The following PRKCZ variants were observed in gnomAD, a reference collection of about 807,000 sequenced individuals.
PRKCZ encodes the protein protein kinase C zeta type.
Under a neutral mutation model 79.5 loss-of-function variants are expected in PRKCZ, and 33 were observed. The ratio of observed to expected loss-of-function variants is 0.41; its 90% confidence interval spans 0.31 to 0.55. PRKCZ has a LOEUF of 0.55. Ranked by LOEUF, PRKCZ falls within the 20% of genes least tolerant of loss-of-function variation. The pLI is 0.19. For synonymous variants in PRKCZ, 342 were observed against 320.9 expected (o/e 1.07, Z -0.70); for missense variants, 578 against 813.5 (o/e 0.71, Z 3.52).
At position 2,127,603 on chromosome 1, in the gene PRKCZ, C is replaced by T. The variant is rs1474161749; in HGVS notation, c.335-7659C>T. ...TCTGTTCAGACAGCTCTGCTGGGAG[C>T]GTTCTGGCCTGAAATGCAGTGGGAG... On this transcript the variant is annotated intron_variant, in intron 4 of 17. Transcript: ENST00000378567. The surrounding 1 kb of genome is among the most constrained non-coding windows in gnomAD (Gnocchi z 5.1). Among the ~76,000 whole-genome samples, 5 of 152,346 alleles carry T rather than the reference C, an allele frequency of 3.3e-5. No individual in the cohort carries two copies. Among genetic ancestry groups the T allele is most frequent in the East Asian group, 1.9e-4 (1 of 5,180 alleles).
chr1:2,167,383 A>G (rs1217683051), intron 10 of PRKCZ, among the ~76,000 whole-genome samples: 2 of 152,108 alleles, frequency 1.3e-5, no homozygotes, highest in Non-Finnish European at 2.9e-5. Context: ...TGGAAATGGC[A>G]TTGGCTTTGT....
At chr1:2,052,839 A>G (rs1659809420) in intron 1 of PRKCZ, among the ~76,000 whole-genome samples, 1 of 152,136 alleles carries the variant, frequency 6.6e-6, no homozygotes, top group East Asian at 1.9e-4. Context: ...GGACACGTGG[A>G]AGACTAGTCT....
intron 10 of PRKCZ, among the ~76,000 whole-genome samples, chr1:2,158,271 G>T (rs971382115): frequency 1.3e-5 from 2 of 152,212 alleles, no homozygotes; most frequent in Non-Finnish European, 2.9e-5. Context: ...CCATATTTGA[G>T]AAACACAGAT....
rs1553152756 is a variant in PRKCZ at position 2,117,998 on chromosome 1, CTTTTT to C, written c.335-17252_335-17248del. 1.3e-3 allele frequency among the ~76,000 whole-genome samples: 84 copies of C among 65,096 alleles called. 4 individuals carry two copies. The highest frequency in any genetic ancestry group is 5.0e-3 in the African/African-American group (81 of 16,204). 42.7% of individuals were successfully genotyped at this position (65,096 alleles called of 152,430 possible). A position where few individuals can be genotyped will look rare whatever the true frequency, so the allele number is the denominator to read the frequency against. ...TATGAGAGAGATTAGCCTATTATTT[CTTTTT>C]TTTTTTTTTTTGGAGTCTCACTCTG... On this transcript the variant is annotated intron_variant, in intron 4 of 17. Transcript: ENST00000378567.
chr1:2,181,850 A>C (rs1043558672), intron 16 of PRKCZ: 1 of 456,332 alleles, frequency 2.2e-6, no homozygotes, highest in South Asian at 1.5e-5. Context: ...TACAAAGAAT[A>C]CAAGTAACTG....
intron 4 of PRKCZ, among the ~76,000 whole-genome samples, chr1:2,083,293 C>CT (rs1323068000): frequency 3.3e-5 from 5 of 152,102 alleles, no homozygotes; most frequent in Non-Finnish European, 7.3e-5. Flanking sequence ...TCACCAGTCT[C>CT]TGATTCCAGC....
chr1:2,180,374 C>T (rs1000096076), intron 16 of PRKCZ, among the ~76,000 whole-genome samples: 3 of 151,768 alleles, frequency 2.0e-5, no homozygotes, highest in African/African-American at 7.3e-5. Context: ...ACGATGTGGA[C>T]GCACAGACGA....
chr1:2,052,380 T>G (rs1659754492), intron 1 of PRKCZ, among the ~76,000 whole-genome samples: 1 of 141,122 alleles, frequency 7.1e-6, no homozygotes, highest in African/African-American at 2.6e-5. Flanking sequence ...CTCCCACCCC[T>G]TCCTCTTCCC....
At chr1:2,107,705 C>G (rs1668831847) in intron 4 of PRKCZ, among the ~76,000 whole-genome samples, 2 of 151,950 alleles carry the variant, frequency 1.3e-5, no homozygotes, top group African/African-American at 2.4e-5. Context: ...TCCCCTCTAC[C>G]CGGGCTGTGC....
chr1:2,143,537 G>A (rs900022638), intron 5 of PRKCZ: 3 of 152,260 alleles, frequency 2.0e-5, no homozygotes, highest in African/African-American at 7.2e-5. Flanking sequence ...AAATGTCCAA[G>A]CAGGTCCCGA....
intron 4 of PRKCZ, among the ~76,000 whole-genome samples, chr1:2,121,720 T>A (rs1672076402): frequency 1.3e-5 from 1 of 79,012 alleles, no homozygotes; most frequent in African/African-American, 5.3e-5. Flanking sequence ...GTAGTTAGGG[T>A]CACGGCGGTA....
Position 2,082,373 on chromosome 1 carries a change from A to G in PRKCZ, c.334+22782A>G, listed in dbSNP as rs1663710125. On this transcript the variant is annotated intron_variant, in intron 4 of 17. Transcript: ENST00000378567. This position sits in a 1 kb window ranked among gnomAD's most constrained non-coding sequence, Gnocchi z 4.4. ...GTTGCCGGCTACCCGGCTGCCGTAG[A>G]CAGAGTGAAGTCTGGTAGTTTGTGT... 2.2e-6 allele frequency: 1 copy of G among 456,232 alleles called. No homozygotes were observed. The highest frequency in any genetic ancestry group is 1.5e-5 in the South Asian group (1 of 64,578). The allele number at this position is 456,232 out of a possible 1,614,324, so 28.3% of individuals were successfully genotyped here.
intron 5 of PRKCZ, among the ~76,000 whole-genome samples, chr1:2,139,388 G>A (rs745590572): frequency 1.3e-5 from 2 of 152,144 alleles, no homozygotes; most frequent in Non-Finnish European, 2.9e-5. Context: ...AGCAGTTCAA[G>A]ACCAGCCTGG....
chr1:2,126,228 GCT>G (rs989236588), intron 4 of PRKCZ, among the ~76,000 whole-genome samples: 3 of 152,168 alleles, frequency 2.0e-5, no homozygotes, highest in African/African-American at 4.8e-5. Context: ...AGTGAACAAA[GCT>G]CTGTTTTATA....
intron 1 of PRKCZ, among the ~76,000 whole-genome samples, chr1:2,053,257 C>T (rs544398397): frequency 2.0e-5 from 3 of 152,266 alleles, no homozygotes; most frequent in African/African-American, 4.8e-5. Flanking sequence ...CCCGCCACCA[C>T]GCCCGGTTAA....
chr1:2,141,104 T>C (rs1327776679), intron 5 of PRKCZ: 3 of 152,252 alleles, frequency 2.0e-5, no homozygotes, highest in African/African-American at 7.2e-5. Flanking sequence ...ATTTTTTTAA[T>C]GTCACATTTC....
chr1:2,089,172 G>T (rs1379716883), intron 4 of PRKCZ, among the ~76,000 whole-genome samples: 1 of 152,176 alleles, frequency 6.6e-6, no homozygotes, highest in Non-Finnish European at 1.5e-5. Flanking sequence ...TCTGGTTTTA[G>T]AACTCATTTC....
At chr1:2,158,990 A>G (rs1331204870) in intron 10 of PRKCZ, among the ~76,000 whole-genome samples, 2 of 151,390 alleles carry the variant, frequency 1.3e-5, no homozygotes, top group East Asian at 3.9e-4. Context: ...CAGTGGCACG[A>G]TCTCGGCTCA....
chr1:2,155,935 C>G, intron 9 of PRKCZ, 60 bp from the exon 10 acceptor site: 1 of 1,460,066 alleles, frequency 6.8e-7, no homozygotes, highest in Non-Finnish European at 9.6e-7. Flanking sequence ...TCCCCCTTGC[C>G]CAGGATGCCT....
Sources: allele counts gnomAD v4.1 joint callset (sites outside exome capture counted in the v4.1 genomes callset), GRCh38; gene constraint gnomAD v4.1.1; non-coding constraint Gnocchi (gnomAD v3.1); transcripts MANE v1.5; gene names NCBI Gene and HGNC (gene_info 2026-07-23, HGNC 2026-07-21).